The following MITF variants were observed in gnomAD, a reference collection of about 807,000 sequenced individuals.
MITF encodes the protein melanocyte inducing transcription factor.
In MITF, 17 loss-of-function variants were observed where a neutral mutation model predicts 60.5. That is an observed-to-expected ratio of 0.28 (90% CI 0.19 to 0.42). The LOEUF (loss-of-function observed/expected upper bound fraction) is 0.42, where lower values mean the gene tolerates loss of function less well. Among genes scored for constraint, MITF ranks in the 10% least tolerant of loss-of-function variants. The pLI is 1.00. For missense variants in MITF, 622 were observed against 683.5 expected, an observed-to-expected ratio of 0.91 and a Z score of 1.00; for synonymous variants, 260 against 248.5, an observed-to-expected ratio of 1.05 and a Z score of -0.43.
rs980107621 is a variant in MITF at position 69,763,794 on chromosome 3, C to A, written c.104+24093C>A. ...GACCTAAGTAAAAGCTAATGGTTGG[C>A]ATTAATCTTGGGAATTCAGACCTAT... is the stretch of plus-strand genomic sequence containing the variant. On this transcript the variant is annotated intron_variant, in intron 1 of 9. Transcript: ENST00000352241. The A allele has an allele frequency of 3.7e-6, 5 of 1,363,910 alleles. No individual in the cohort carries two copies. The Admixed American group carries it at 1.1e-4, about 31-fold the overall frequency. The allele number at this position is 1,363,910 out of a possible 1,614,324, so 84.5% of individuals were successfully genotyped here.
intron 1 of MITF, among the ~76,000 whole-genome samples, chr3:69,745,468 G>A (rs1379090211): frequency 2.0e-5 from 3 of 152,210 alleles, no homozygotes; most frequent in Admixed American, 6.5e-5. Context: ...AGGGGAACTG[G>A]GGAGGCAGTT....
intron 1 of MITF, among the ~76,000 whole-genome samples, chr3:69,781,716 C>G (rs562025309): frequency 5.3e-5 from 8 of 152,314 alleles, no homozygotes; most frequent in Non-Finnish European, 1.2e-4. Context: ...CTATGTTTAA[C>G]AAGATCTCTG....
At chr3:69,740,320 G>A (rs1315362453) in intron 1 of MITF, among the ~76,000 whole-genome samples, 1 of 152,168 alleles carries the variant, frequency 6.6e-6, no homozygotes, top group Non-Finnish European at 1.5e-5. Flanking sequence ...AGCGGTGGGC[G>A]TGTCCCCTTG....
Position 69,792,998 on chromosome 3 carries a change from C to CTTTTTTT in MITF, c.104+53324_104+53330dup, listed in dbSNP as rs58440406. 1.6e-3 allele frequency among the ~76,000 whole-genome samples: 50 copies of CTTTTTTT among 31,094 alleles called. 10 individuals are homozygous for CTTTTTTT. The East Asian group carries it at 0.021, about 13-fold the overall frequency. The allele number at this position is 31,094 out of a possible 152,430, so 20.4% of individuals were successfully genotyped here. A position where few individuals can be genotyped will look rare whatever the true frequency, so the allele number is the denominator to read the frequency against. On this transcript the variant is annotated intron_variant, in intron 1 of 9. Coordinates refer to ENST00000352241, the MANE Select transcript of MITF (RefSeq NM_001354604.2). ...TTGTTTTATGGGCTAAAGTCTTTAG[C>CTTTTTTT]TTTTTTTTTTTTTTTTTTTTTTTTT...
chr3:69,848,734 G>A (rs568928789), intron 1 of MITF, among the ~76,000 whole-genome samples: 11 of 152,140 alleles, frequency 7.2e-5, no homozygotes, highest in Non-Finnish European at 1.5e-4. Flanking sequence ...TGCTTCGCTC[G>A]TGATCTCTAT....
At chr3:69,822,971 T>C (rs1319251324) in intron 1 of MITF, among the ~76,000 whole-genome samples, 1 of 151,632 alleles carries the variant, frequency 6.6e-6, no homozygotes, top group African/African-American at 2.4e-5. Context: ...CAATCTCGGC[T>C]CACTGCAAGC....
In MITF at chr3:69,918,508, A is replaced by G. The variant is rs540949703; in HGVS notation, c.355-19314A>G. 2.6e-5 allele frequency among the ~76,000 whole-genome samples: 4 copies of G among 152,324 alleles called. No individual in the cohort carries two copies. The East Asian group carries it at 7.7e-4, about 29-fold the overall frequency. On this transcript the variant is annotated intron_variant, in intron 2 of 9. Coordinates refer to ENST00000352241, the MANE Select transcript of MITF (RefSeq NM_001354604.2). ...CTTTTAAAATAAGTATGTTTGCCAT[A>G]TCACTGATAGCAGTGCATTGATTAC... is the stretch of plus-strand genomic sequence containing the variant.
At chr3:69,774,290 G>A (rs182883193) in intron 1 of MITF, among the ~76,000 whole-genome samples, 1 of 152,308 alleles carries the variant, frequency 6.6e-6, no homozygotes, top group East Asian at 1.9e-4. Flanking sequence ...GGTCTGGTAA[G>A]TAACTCTTAT....
At position 69,859,433 on chromosome 3, in the gene MITF, T is replaced by A. The variant is rs113709256; in HGVS notation, c.105-19701T>A. Among the ~76,000 whole-genome samples the A allele has an allele frequency of 8.8e-3, 1,341 of 152,306 alleles. 17 individuals carry two copies. The highest frequency in any genetic ancestry group is 0.029 in the African/African-American group (1,220 of 41,562). The stretch of plus-strand genomic sequence containing the variant: ...TAGATGGCAGAATATCCCTGTCTTC[T>A]TTATCTCAGTCCCTTCTTCTGGCTC... On this transcript the variant is annotated intron_variant, in intron 1 of 9. Coordinates refer to ENST00000352241, the MANE Select transcript of MITF (RefSeq NM_001354604.2).
intron 2 of MITF, among the ~76,000 whole-genome samples, chr3:69,905,584 A>G (rs777789894): frequency 1.3e-5 from 2 of 152,128 alleles, no homozygotes; most frequent in Non-Finnish European, 2.9e-5. Flanking sequence ...TAGTCTTGTC[A>G]TTTATATTCT....
At chr3:69,958,109 G>A (rs2066444806) in intron 8 of MITF, among the ~76,000 whole-genome samples, 2 of 152,162 alleles carry the variant, frequency 1.3e-5, no homozygotes, top group Non-Finnish European at 2.9e-5. Context: ...TGATTGATTG[G>A]ATCTCACAAG....
chr3:69,856,400 G>A (rs1418352534), intron 1 of MITF, among the ~76,000 whole-genome samples: 2 of 152,174 alleles, frequency 1.3e-5, no homozygotes, highest in African/African-American at 4.8e-5. Context: ...TAGGTATATT[G>A]TCTGGACCGG....
At chr3:69,828,945 AGTGTGT>A (rs3044611) in intron 1 of MITF, among the ~76,000 whole-genome samples, 1 of 149,964 alleles carries the variant, frequency 6.7e-6, no homozygotes, top group African/African-American at 2.5e-5. Flanking sequence ...ATATCGTGTG[AGTGTGT>A]GTGTGTGTGT....
chr3:69,910,709 G>A (rs2065205682), intron 2 of MITF, among the ~76,000 whole-genome samples: 1 of 152,160 alleles, frequency 6.6e-6, no homozygotes, highest in Non-Finnish European at 1.5e-5. Context: ...ACTTGCATGG[G>A]CCCTGTAACC....
intron 2 of MITF, among the ~76,000 whole-genome samples, chr3:69,904,737 C>T (rs982885683): frequency 1.3e-5 from 2 of 151,980 alleles, no homozygotes; most frequent in African/African-American, 2.4e-5. Context: ...CTCTTAAGAC[C>T]GTCCCAGGTA....
chr3:69,894,674 GA>G (rs201815152), intron 2 of MITF, among the ~76,000 whole-genome samples: 4,903 of 111,308 alleles, frequency 0.044, 127 homozygotes, highest in African/African-American at 0.09. Flanking sequence ...CAACAAGAGT[GA>G]AAAAAAAAAA....
intron 2 of MITF, among the ~76,000 whole-genome samples, chr3:69,905,584 A>C (rs777789894): frequency 6.6e-6 from 1 of 152,128 alleles, no homozygotes; most frequent in Non-Finnish European, 1.5e-5. Context: ...TAGTCTTGTC[A>C]TTTATATTCT....
chr3:69,816,703 G>A (rs547637018), intron 1 of MITF, among the ~76,000 whole-genome samples: 48 of 152,258 alleles, frequency 3.2e-4, no homozygotes, highest in Admixed American at 1.0e-3. Context: ...GGGCATGGTA[G>A]TACCTAATTC....
intron 1 of MITF, among the ~76,000 whole-genome samples, chr3:69,833,698 GTATGTGGTTCTCTGTTTA>G (rs2063491973): frequency 6.6e-6 from 1 of 151,732 alleles, no homozygotes; most frequent in Non-Finnish European, 1.5e-5. Context: ...TGTTTACACT[GTATGTGGTTCTCTGTTTA>G]CACTGTATGT....
Sources: allele counts gnomAD v4.1 joint callset (sites outside exome capture counted in the v4.1 genomes callset), GRCh38; gene constraint gnomAD v4.1.1; transcripts MANE v1.5; gene names NCBI Gene and HGNC (gene_info 2026-07-23, HGNC 2026-07-21).